ZNF100: variants seen among roughly 807,000 people sequenced by gnomAD.
ZNF100 encodes the protein zinc finger protein 100.
Under a neutral mutation model 15.8 loss-of-function variants are expected in ZNF100, and 12 were observed. That is an observed-to-expected ratio of 0.76 (90% CI 0.49 to 1.23). ZNF100 has a LOEUF of 1.23. Among genes scored for constraint, ZNF100 ranks in the 50% most tolerant of loss-of-function variants. ZNF100 has a pLI of 0.00. For synonymous variants in ZNF100, 226 were observed against 214.8 expected (o/e 1.05, Z -0.45); for missense variants, 670 against 635.6 (o/e 1.05, Z -0.58).
At chr19:21,750,625 T>G in intron 2 of ZNF100, 1 of 173,094 alleles carries the variant, frequency 5.8e-6, no homozygotes, top group East Asian at 1.5e-4. Context: ...TGAGTCAGCT[T>G]GGGGAGGCGG....
At chr19:21,754,421 T>A (rs1274317193) in intron 2 of ZNF100, among the ~76,000 whole-genome samples, 1 of 152,180 alleles carries the variant, frequency 6.6e-6, no homozygotes, top group Non-Finnish European at 1.5e-5. Flanking sequence ...AAGCCTTTGA[T>A]AAAATTCAGC....
chr19:21,747,589 A>G (rs2036233221), intron 2 of ZNF100, among the ~76,000 whole-genome samples: 1 of 152,226 alleles, frequency 6.6e-6, no homozygotes, highest in Non-Finnish European at 1.5e-5. Flanking sequence ...TAGTGAGAGA[A>G]AGCAGGCACC....
intron 4 of ZNF100, among the ~76,000 whole-genome samples, chr19:21,733,751 C>T (rs1338924462): frequency 6.6e-6 from 1 of 152,252 alleles, no homozygotes; most frequent in African/African-American, 2.4e-5. Flanking sequence ...TGCATCCTGA[C>T]TGAGTGAGGA....
chr19:21,741,848 T>A (rs544799369), intron 4 of ZNF100, among the ~76,000 whole-genome samples: 10 of 152,222 alleles, frequency 6.6e-5, no homozygotes, highest in African/African-American at 7.2e-5. Flanking sequence ...GGCAATTTTT[T>A]AAATAATTTT....
Position 21,725,783 on chromosome 19 carries a change from AT to A in ZNF100, c.*899del, listed in dbSNP as rs2035770021. The A allele has an allele frequency of 6.6e-6, 1 of 151,974 alleles. No homozygotes were observed. The highest frequency in any genetic ancestry group is 6.6e-5 in the Admixed American group (1 of 15,256). 9.4% of individuals were successfully genotyped at this position (151,974 alleles called of 1,614,324 possible). ...ATTTTACCAATTTTAGTTTTAGATT[AT>A]TTTCTATACTCAGCACTCTGATTTA... On this transcript the variant is annotated 3_prime_UTR_variant, in exon 5 of 5. Coordinates refer to ENST00000358296, the MANE Select transcript of ZNF100 (RefSeq NM_173531.4).
chr19:21,767,205 A>G (rs1037438319), intron 1 of ZNF100, among the ~76,000 whole-genome samples: 1 of 152,200 alleles, frequency 6.6e-6, no homozygotes, highest in Admixed American at 6.5e-5. Context: ...AGAGGGCTCC[A>G]GGCCAAGGCA....
chr19:21,728,312 T>A (rs1486779520), intron 4 of ZNF100, among the ~76,000 whole-genome samples: 1 of 152,096 alleles, frequency 6.6e-6, no homozygotes, highest in African/African-American at 2.4e-5. Context: ...AATTGCCAAC[T>A]TGTTTTTAAT....
intron 2 of ZNF100, among the ~76,000 whole-genome samples, chr19:21,760,008 C>T (rs937102474): frequency 5.9e-5 from 9 of 151,928 alleles, no homozygotes; most frequent in African/African-American, 2.2e-4. Flanking sequence ...CATGGAGAAA[C>T]CCCATCTCTA....
intron 4 of ZNF100, among the ~76,000 whole-genome samples, chr19:21,730,628 C>T (rs1251345150): frequency 2.0e-5 from 3 of 151,966 alleles, no homozygotes; most frequent in Admixed American, 6.6e-5. Context: ...GAAGAGAGGA[C>T]GTGAAGGCAG....
intron 2 of ZNF100, chr19:21,747,015 T>C (rs2036223302): frequency 6.6e-6 from 1 of 152,206 alleles, no homozygotes; most frequent in South Asian, 2.1e-4. Context: ...TACCTCTCCC[T>C]TATAACAGAG....
rs372007994 is a variant in ZNF100, at chr19:21,756,637, T to C, written c.96+9057A>G. ...ATTTTATGCCATGGATAGAAAAGAT[T>C]AGCATCACTAAAATGTCAAAACTAC... On this transcript the variant is annotated intron_variant, in intron 2 of 4. Coordinates refer to ENST00000358296, the MANE Select transcript of ZNF100 (RefSeq NM_173531.4). 2.6e-5 allele frequency among the ~76,000 whole-genome samples: 4 copies of C among 152,176 alleles called. No homozygotes were observed. The East Asian group carries it at 7.7e-4, about 29-fold the overall frequency.
At chr19:21,728,048 C>T in intron 4 of ZNF100, 59 bp from the exon 5 acceptor site, 1 of 1,395,788 alleles carries the variant, frequency 7.2e-7, no homozygotes, top group South Asian at 1.7e-5. Flanking sequence ...GTTTACAAAT[C>T]TAACCTCTAA....
chr19:21,750,939 T>G (rs909996785), intron 2 of ZNF100: 1 of 746,406 alleles, frequency 1.3e-6, no homozygotes, highest in Non-Finnish European at 2.2e-6. Flanking sequence ...GCAACCGACA[T>G]CTACGAGGCG....
chr19:21,732,326 A>T (rs1450782359), intron 4 of ZNF100, among the ~76,000 whole-genome samples: 1 of 152,244 alleles, frequency 6.6e-6, no homozygotes, highest in Non-Finnish European at 1.5e-5. Flanking sequence ...TATTGAAATT[A>T]GGAGAATTTT....
intron 2 of ZNF100, chr19:21,750,832 G>A: frequency 2.2e-6 from 1 of 461,742 alleles, no homozygotes; most frequent in Non-Finnish European, 3.8e-6. Context: ...CGGCCCAGAG[G>A]AGCAGAGACG....
chr19:21,748,498 GCT>G (rs1447711079), intron 2 of ZNF100, among the ~76,000 whole-genome samples: 4 of 152,094 alleles, frequency 2.6e-5, no homozygotes, highest in African/African-American at 4.8e-5. Flanking sequence ...TTTTGCCACT[GCT>G]CTGTCAATTT....
chr19:21,748,353 T>C (rs974167538), intron 2 of ZNF100, among the ~76,000 whole-genome samples: 1 of 152,126 alleles, frequency 6.6e-6, no homozygotes, highest in African/African-American at 2.4e-5. Flanking sequence ...AAAGGGTGAA[T>C]CTGAACAGAA....
chr19:21,735,021 A>AG (rs145630152), intron 4 of ZNF100, among the ~76,000 whole-genome samples: 1 of 152,220 alleles, frequency 6.6e-6, no homozygotes, highest in Non-Finnish European at 1.5e-5. Context: ...CATCACCACT[A>AG]GGCCTGCTTT....
chr19:21,751,554 G>C, intron 2 of ZNF100: 1 of 1,291,782 alleles, frequency 7.7e-7, no homozygotes, highest in Non-Finnish European at 1.1e-6. Context: ...ATTGTTCTGG[G>C]AGCCACTCTT....
Sources: gnomAD v4.1 joint callset for allele counts (sites outside exome capture counted in the v4.1 genomes callset) on GRCh38, gnomAD v4.1.1 for gene constraint, MANE v1.5 for transcripts, NCBI Gene and HGNC (gene_info 2026-07-23, HGNC 2026-07-21) for gene names.